Variants in BMP2K observed in about 807,000 individuals in gnomAD.
The protein encoded by BMP2K is BMP-2-inducible protein kinase.
A neutral mutation model predicts 116.0 loss-of-function variants in BMP2K; 74 were observed. The observed-to-expected ratio is 0.64, with a 90% CI of 0.53 to 0.77. The LOEUF is 0.77. Ranked by LOEUF, BMP2K falls within the 30% of genes least tolerant of loss-of-function variation. The pLI, the probability that BMP2K is intolerant of heterozygous loss-of-function variation, is 0.00. For missense variants in BMP2K, 1,365 were observed against 1,403.6 expected, an observed-to-expected ratio of 0.97 and a Z score of 0.44; for synonymous variants, 486 against 502.5, an observed-to-expected ratio of 0.97 and a Z score of 0.44.
chr4:78,859,169 TAAGG>T (rs1037722812), intron 7 of BMP2K: 40 of 153,182 alleles, frequency 2.6e-4, no homozygotes, highest in Admixed American at 2.4e-3. Flanking sequence ...TCTTAATGAT[TAAGG>T]ATCACTTAAA....
chr4:78,841,186 A>C (rs72659102), intron 3 of BMP2K, among the ~76,000 whole-genome samples: 4,510 of 152,322 alleles, frequency 0.03, 85 homozygotes, highest in Non-Finnish European at 0.044. Context: ...TTAGACAGTA[A>C]TAATAAAAGG....
At chr4:78,839,803 A>G (rs1372910472) in intron 3 of BMP2K, among the ~76,000 whole-genome samples, 2 of 152,174 alleles carry the variant, frequency 1.3e-5, no homozygotes, top group Non-Finnish European at 2.9e-5. Flanking sequence ...TGGGAGGCTA[A>G]GCCAGTCTAG....
At chr4:78,903,597 T>C (rs1262401671) in intron 15 of BMP2K, among the ~76,000 whole-genome samples, 1 of 152,012 alleles carries the variant, frequency 6.6e-6, no homozygotes, top group East Asian at 1.9e-4. Context: ...CAGGCTTATT[T>C]GGATGTTTAT....
At chr4:78,908,909 G>A (rs1274718787) in intron 15 of BMP2K, among the ~76,000 whole-genome samples, 2 of 151,826 alleles carry the variant, frequency 1.3e-5, no homozygotes, top group Non-Finnish European at 2.9e-5. Flanking sequence ...TAATGGTGCT[G>A]CCATCCACCA....
chr4:78,793,619 C>T (rs1051584608), intron 1 of BMP2K, among the ~76,000 whole-genome samples: 2 of 151,644 alleles, frequency 1.3e-5, no homozygotes, highest in Non-Finnish European at 2.9e-5. Flanking sequence ...TCTGGGTCTA[C>T]AATGTATAGT....
At chr4:78,904,282 C>T (rs1235337978) in intron 15 of BMP2K, among the ~76,000 whole-genome samples, 2 of 151,560 alleles carry the variant, frequency 1.3e-5, no homozygotes, top group Non-Finnish European at 3.0e-5. Context: ...GCATTTTTTG[C>T]CCTAAAATGT....
intron 1 of BMP2K, among the ~76,000 whole-genome samples, chr4:78,810,306 G>T (rs1007095293): frequency 6.6e-6 from 1 of 152,062 alleles, no homozygotes; most frequent in African/African-American, 2.4e-5. Context: ...GTTCTTTCCT[G>T]GGCGTGCACA....
intron 1 of BMP2K, among the ~76,000 whole-genome samples, chr4:78,781,840 C>T (rs185106951): frequency 3.4e-4 from 52 of 152,156 alleles, no homozygotes; most frequent in Non-Finnish European, 5.6e-4. Flanking sequence ...TCTTGAGTAC[C>T]GAGTACCACT....
chr4:78,870,976 A>ACAGCAACAG lies in BMP2K; in HGVS notation c.1431_1439dup (p.Gln484_Gln486dup), dbSNP rs1338519590. On this transcript the variant is annotated inframe_insertion, in exon 11 of 16. Transcript: ENST00000502613. ...AGCAACAGCAACAGCAGCAGCAGCA[A>ACAGCAACAG]CAGCAACAGCAGCAGCAGCAGCAGC... 6 of 1,608,456 alleles carry ACAGCAACAG rather than the reference A, an allele frequency of 3.7e-6. No homozygotes were observed. Among genetic ancestry groups the ACAGCAACAG allele is most frequent in the Non-Finnish European group, 5.1e-6 (6 of 1,177,934 alleles).
chr4:78,896,244 A>G (rs1733696285), intron 15 of BMP2K, among the ~76,000 whole-genome samples: 1 of 152,226 alleles, frequency 6.6e-6, no homozygotes, highest in African/African-American at 2.4e-5. Flanking sequence ...TGATCAAACT[A>G]TCAAATTTTG....
chr4:78,910,863 T>C lies in BMP2K; in HGVS notation c.2316T>C (p.Phe772=), dbSNP rs1289348960. The change falls in exon 16 of 16, where the codon TTT becomes TTC. Residue 772 remains phenylalanine, a synonymous_variant. Transcript: ENST00000502613. ...EEVLQGEQGD[F]NDDDTEPENL... ...TTCTTCAGGGGGAACAAGGAGATTT[T>C]AATGATGATGATACTGAACCAGAAA... is the stretch of plus-strand genomic sequence containing the variant. 4 of 1,613,966 alleles carry C rather than the reference T, an allele frequency of 2.5e-6. No homozygotes were observed. Among genetic ancestry groups the C allele is most frequent in the Non-Finnish European group, 3.4e-6 (4 of 1,179,874 alleles).
At chr4:78,793,944 G>A (rs1205742200) in intron 1 of BMP2K, among the ~76,000 whole-genome samples, 1 of 152,008 alleles carries the variant, frequency 6.6e-6, no homozygotes, top group East Asian at 1.9e-4. Context: ...GGACATACTG[G>A]ACAGTGCTGA....
At chr4:78,837,703 A>G (rs952160670) in intron 3 of BMP2K, among the ~76,000 whole-genome samples, 1 of 151,842 alleles carries the variant, frequency 6.6e-6, no homozygotes, top group African/African-American at 2.4e-5. Flanking sequence ...TCTGTCATCC[A>G]CACTGGAGTC....
At chr4:78,825,956 C>T in intron 1 of BMP2K, 81 bp from the exon 2 acceptor site, 2 of 1,044,986 alleles carry the variant, frequency 1.9e-6, no homozygotes, top group South Asian at 1.4e-5. Flanking sequence ...TATTTTCCTC[C>T]AATATGCTCT....
chr4:78,849,407 T>A (rs1731149544), intron 6 of BMP2K, among the ~76,000 whole-genome samples: 1 of 151,554 alleles, frequency 6.6e-6, no homozygotes, highest in South Asian at 2.1e-4. Context: ...TAGATTTATA[T>A]ATTTTTAAAG....
chr4:78,910,739 G>T lies in BMP2K; in HGVS notation c.2192G>T (p.Gly731Val), dbSNP rs758951246. The part of the protein sequence containing the change: ...QRTGKKTSVQ[G>V]QVQKGNDESE... ...ACTGGAAAGAAAACCTCAGTACAGG[G>T]TCAAGTGCAAAAGGGGAATGATGAA... Residue 731 changes from glycine (G) to valine (V), a missense_variant, in exon 16 of 16, where the codon GGT (glycine) becomes GTT (valine). Around this residue, in one of 3 missense-constraint regions of BMP2K, gnomAD observed 596 missense variants for 623.2 expected, o/e 0.96. Coordinates refer to ENST00000502613, the MANE Select transcript of BMP2K (RefSeq NM_198892.2). The T allele has an allele frequency of 6.8e-6, 11 of 1,613,748 alleles. No homozygotes were observed. Among genetic ancestry groups the T allele is most frequent in the Middle Eastern group, 3.3e-4 (2 of 6,080 alleles).
At chr4:78,879,043 T>C in intron 14 of BMP2K, 152 bp downstream of exon 14, 3 of 1,424,144 alleles carry the variant, frequency 2.1e-6, no homozygotes, top group South Asian at 1.7e-5. Flanking sequence ...ACATATACTA[T>C]CAAATTATGT....
rs112342227 is a variant in BMP2K, at chr4:78,887,079, A to C, written c.1952-95A>C. ...TGTTTTGCAAAAAGGCTGGTGCTTT[A>C]ATTTTCACTTTTATTTATATGTATA... On this transcript the variant is annotated intron_variant, in intron 14 of 15. Coordinates refer to ENST00000502613, the MANE Select transcript of BMP2K (RefSeq NM_198892.2). 1.1e-4 allele frequency: 97 copies of C among 871,858 alleles called. 1 individual carries two copies. The African/African-American group carries it at 1.2e-3, about 10-fold the overall frequency. 54.0% of individuals were successfully genotyped at this position (871,858 alleles called of 1,614,324 possible).
intron 1 of BMP2K, among the ~76,000 whole-genome samples, chr4:78,803,416 A>G (rs1377180574): frequency 6.6e-6 from 1 of 150,906 alleles, no homozygotes; most frequent in Admixed American, 6.6e-5. Flanking sequence ...TTTGGGGGGG[A>G]TCAGAGTCTT....
Sources: gnomAD v4.1 joint callset for allele counts (sites outside exome capture counted in the v4.1 genomes callset) on GRCh38, gnomAD v4.1.1 for gene constraint, gnomAD v4.1.1 regional missense constraint, MANE v1.5 for transcripts, NCBI Gene and HGNC (gene_info 2026-07-23, HGNC 2026-07-21) for gene names.